NID1: variants seen among roughly 807,000 people sequenced by gnomAD.
NID1 encodes nidogen 1.
NID1 carries 76 observed loss-of-function variants against 130.6 expected under a neutral mutation model. The observed-to-expected ratio is 0.58, with a 90% CI of 0.48 to 0.70. The LOEUF is 0.70. Among genes scored for constraint, NID1 ranks in the 30% least tolerant of loss-of-function variants. NID1 has a pLI of 0.00. For synonymous variants in NID1, 665 were observed against 675.1 expected (o/e 0.98, Z 0.23); for missense variants, 1,517 against 1,664.8 (o/e 0.91, Z 1.54).
intron 10 of NID1, among the ~76,000 whole-genome samples, chr1:236,015,851 T>C (rs1424497346): frequency 6.6e-6 from 1 of 151,916 alleles, no homozygotes; most frequent in Non-Finnish European, 1.5e-5. Flanking sequence ...CAAAAGTAAA[T>C]GTCTGAAGCA....
At chr1:236,007,101 G>A (rs1434359708) in intron 12 of NID1, among the ~76,000 whole-genome samples, 1 of 152,168 alleles carries the variant, frequency 6.6e-6, no homozygotes, top group African/African-American at 2.4e-5. Context: ...ATAGCTCACT[G>A]CAGCCTTGAA....
At position 235,978,052 on chromosome 1, in the gene NID1, T is replaced by G. The variant is rs551870943; in HGVS notation, c.3623-64A>C. ...GATCTGACTCCATAGCCATTTAAGA[T>G]AGTGGGCTCCTTCTTGTGTGTGATC... is the stretch of plus-strand genomic sequence containing the variant. On this transcript the variant is annotated intron_variant, in intron 19 of 19. Transcript: ENST00000264187. 119 of 1,573,422 alleles carry G rather than the reference T, an allele frequency of 7.6e-5. No homozygotes were observed. The African/African-American group carries it at 1.5e-3, about 20-fold the overall frequency.
At chr1:236,028,012 G>T (rs1485405089) in intron 7 of NID1, among the ~76,000 whole-genome samples, 1 of 152,070 alleles carries the variant, frequency 6.6e-6, no homozygotes, top group Non-Finnish European at 1.5e-5. Context: ...CCTATTGTTT[G>T]ACTCGGCACT....
At chr1:235,980,734 G>T (rs886097104) in intron 16 of NID1, 81 bp from the exon 17 acceptor site, 2 of 1,403,402 alleles carry the variant, frequency 1.4e-6, no homozygotes, top group African/African-American at 1.4e-5. Context: ...CACTTGAAAA[G>T]AATTACAATG....
intron 12 of NID1, among the ~76,000 whole-genome samples, chr1:235,994,952 G>A (rs1181198578): frequency 6.6e-6 from 1 of 152,156 alleles, no homozygotes; most frequent in East Asian, 1.9e-4. Flanking sequence ...CAAGGCCAAA[G>A]ATTTCAGGCA....
At chr1:236,028,127 C>G (rs925557481) in intron 7 of NID1, among the ~76,000 whole-genome samples, 25 of 152,074 alleles carry the variant, frequency 1.6e-4, no homozygotes, top group African/African-American at 5.1e-4. Context: ...ATGGAAGCAA[C>G]CCAAGCTTTA....
At chr1:235,994,451 T>G (rs1657863088) in intron 12 of NID1, among the ~76,000 whole-genome samples, 1 of 152,200 alleles carries the variant, frequency 6.6e-6, no homozygotes, top group Non-Finnish European at 1.5e-5. Context: ...CATGAGCCAC[T>G]GCGCCCTGCC....
At chr1:236,044,535 C>T (rs6660647) in intron 3 of NID1, among the ~76,000 whole-genome samples, 74,818 of 151,922 alleles carry the variant, frequency 0.49, 19,128 homozygotes, top group East Asian at 0.68. Context: ...ATCACAGAAA[C>T]AGGCAAACGC....
chr1:235,993,975 G>C (rs1365518497), intron 12 of NID1, 103 bp from the exon 13 acceptor site: 1 of 1,005,892 alleles, frequency 9.9e-7, no homozygotes, highest in Admixed American at 2.6e-5. Context: ...AACCACGAGG[G>C]CTGCCTGTGT....
rs748898164 is a variant in NID1, at chr1:236,041,914, TC to T, written c.1130del (p.Gly377GlufsTer62). ...VIDVDEVEET[G>X]VVFSYNTDSR... ...CTGCAACTTAAATGGTCTTACCAAC[TC>T]CTGTTTCCTCAACTTCATCCACATC... is the stretch of plus-strand genomic sequence containing the variant. On this transcript the variant is annotated frameshift_variant, in exon 4 of 20. Transcript: ENST00000264187. LOFTEE classifies it high-confidence loss of function. The T allele has an allele frequency of 6.2e-7, 1 of 1,604,806 alleles. No homozygotes were observed. Among genetic ancestry groups the T allele is most frequent in the East Asian group, 2.2e-5 (1 of 44,664 alleles).
intron 12 of NID1, among the ~76,000 whole-genome samples, chr1:235,995,059 C>T (rs1456356388): frequency 1.3e-5 from 2 of 152,192 alleles, no homozygotes; most frequent in African/African-American, 4.8e-5. Flanking sequence ...CTGTACAACT[C>T]AGATCTTAAG....
rs200351205 is a variant in NID1, at chr1:236,048,787, G to A, written c.428C>T (p.Pro143Leu). Residue 143 changes from proline (P) to leucine (L), a missense_variant, in exon 2 of 20, where the codon CCG (proline) becomes CTG (leucine). Transcript: ENST00000264187. Reference sequence around the variant, plus strand: ...GCTACTAGGCTGGAAAGAGATCTCCGGGAACCCTCTGTGGACACACTCTGC... The same window carrying A: ...GCTACTAGGCTGGAAAGAGATCTCCAGGAACCCTCTGTGGACACACTCTGC... ...RAAECVHRGF[P>L]EISFQPSSAV... The A allele has an allele frequency of 1.1e-4, 179 of 1,613,964 alleles. No individual in the cohort carries two copies. In the Middle Eastern group the frequency reaches 1.5e-3, roughly 14 times the overall value.
At chr1:235,982,036 C>T (rs1228829775) in intron 15 of NID1, among the ~76,000 whole-genome samples, 1 of 152,200 alleles carries the variant, frequency 6.6e-6, no homozygotes, top group Non-Finnish European at 1.5e-5. Context: ...AATGACTAAG[C>T]CGAGGCCCAG....
chr1:236,059,535 A>C (rs1659984785), intron 1 of NID1, among the ~76,000 whole-genome samples: 1 of 152,252 alleles, frequency 6.6e-6, no homozygotes, highest in South Asian at 2.1e-4. Flanking sequence ...GTTTTAGTTT[A>C]TATAACTTGC....
At chr1:236,021,187 CA>C (rs2102822907) in intron 9 of NID1, among the ~76,000 whole-genome samples, 1 of 152,326 alleles carries the variant, frequency 6.6e-6, no homozygotes, top group African/African-American at 2.4e-5. Flanking sequence ...CGTTCACACA[CA>C]CACACACAGC....
intron 6 of NID1, among the ~76,000 whole-genome samples, chr1:236,031,264 G>A (rs778844804): frequency 6.6e-6 from 1 of 151,948 alleles, no homozygotes; most frequent in Non-Finnish European, 1.5e-5. Flanking sequence ...GACTGCAGGT[G>A]CCCGCCACCA....
At chr1:236,013,309 C>A (rs914513565) in intron 11 of NID1, 102 bp downstream of exon 11, 2 of 1,272,612 alleles carry the variant, frequency 1.6e-6, no homozygotes, top group South Asian at 1.3e-5. Flanking sequence ...CAGAAGAATT[C>A]TTTCTTCTAT....
intron 2 of NID1, among the ~76,000 whole-genome samples, chr1:236,047,695 T>C (rs1424837846): frequency 6.6e-6 from 1 of 152,180 alleles, no homozygotes; most frequent in Non-Finnish European, 1.5e-5. Flanking sequence ...TTTGTTATTT[T>C]AACCTATCGT....
At chr1:235,990,829 G>C (rs560285813) in intron 14 of NID1, 57 bp downstream of exon 14, 2 of 1,592,660 alleles carry the variant, frequency 1.3e-6, no homozygotes, top group South Asian at 2.2e-5. Flanking sequence ...CGTCCTGCTT[G>C]TTTTTCCAGG....
Sources: allele counts gnomAD v4.1 joint callset (sites outside exome capture counted in the v4.1 genomes callset), GRCh38; gene constraint gnomAD v4.1.1; transcripts MANE v1.5; gene names NCBI Gene and HGNC (gene_info 2026-07-23, HGNC 2026-07-21).